The following ZNF844 variants were observed in gnomAD, a reference collection of about 807,000 sequenced individuals.
ZNF844 encodes zinc finger protein 844.
ZNF844 carries 11 observed loss-of-function variants against 11.4 expected under a neutral mutation model. That is an observed-to-expected ratio of 0.97 (90% confidence interval 0.61 to 1.60). The LOEUF (loss-of-function observed/expected upper bound fraction) is 1.60. Ranked by LOEUF, ZNF844 falls within the 40% of genes most tolerant of loss-of-function variation. ZNF844 has a pLI of 0.00. For synonymous variants in ZNF844, 248 were observed against 260.3 expected (o/e 0.95, Z 0.46); for missense variants, 790 against 796.8 (o/e 0.99, Z 0.10).
At position 12,078,431 on chromosome 19, in the gene ZNF844, T is replaced by C. The variant is rs373791550; in HGVS notation, c.*1310T>C. 1.3e-5 allele frequency: 2 copies of C among 152,126 alleles called. No homozygotes were observed. The highest frequency in any genetic ancestry group is 4.1e-4 in the South Asian group (2 of 4,822). 9.4% of individuals were successfully genotyped at this position (152,126 alleles called of 1,614,324 possible). A position where few individuals can be genotyped will look rare whatever the true frequency, so the allele number is the denominator to read the frequency against. ...CATGAGCCACTGCACCCAGCTGTTA[T>C]TCTCTATTTAATTAATTGAGAAGCC... is the stretch of plus-strand genomic sequence containing the variant. On this transcript the variant is annotated 3_prime_UTR_variant, in exon 4 of 4. Coordinates refer to ENST00000439326, the MANE Select transcript of ZNF844 (RefSeq NM_001136501.3).
intron 1 of ZNF844, among the ~76,000 whole-genome samples, chr19:12,073,241 C>T (rs557338393): frequency 1.6e-3 from 248 of 152,058 alleles, no homozygotes; most frequent in African/African-American, 5.7e-3. Flanking sequence ...CTCACCGCAA[C>T]CTCCGCCTGC....
rs1016890588 is a variant in ZNF844 at position 12,076,445 on chromosome 19, C to A, written c.1325C>A (p.Thr442Lys). ...CCTTTCGATATCATGAAAGGACTCA[C>A]ACTGGAGAGAAACCGTATGAGTGTA... ...PLPFDIMKGL[T>K]LERNRMSVSN... is the part of the protein sequence containing the mutation. Residue 442 changes from threonine to lysine, a missense_variant, in exon 4 of 4, where the codon ACA becomes AAA. Physicochemically the swap from Thr to Lys is moderately conservative, Grantham distance 78 (BLOSUM62 -1). Around this residue, in one of 3 missense-constraint regions of ZNF844, gnomAD observed 657 missense variants for 636.2 expected, o/e 1.03. Transcript: ENST00000439326. 4 of 1,613,968 alleles carry A rather than the reference C, an allele frequency of 2.5e-6. No individual in the cohort carries two copies. The African/African-American group carries it at 5.3e-5, about 22-fold the overall frequency.
In ZNF844 at chr19:12,074,559, A is replaced by T. The variant is rs537943987; in HGVS notation, c.191+138A>T. On this transcript the variant is annotated intron_variant, in intron 3 of 3. Coordinates refer to ENST00000439326, the MANE Select transcript of ZNF844 (RefSeq NM_001136501.3). ...CTTAAAATATTCACTCTAAAAACCTACATTTAAATGTGATCTAGGCTGGGC... is the reference window on the plus strand; with the variant it reads ...CTTAAAATATTCACTCTAAAAACCTTCATTTAAATGTGATCTAGGCTGGGC... The T allele has an allele frequency of 6.9e-6, 5 of 726,106 alleles. No individual in the cohort carries two copies. The East Asian group carries it at 1.1e-4, about 16-fold the overall frequency. 45.0% of individuals were successfully genotyped at this position (726,106 alleles called of 1,614,324 possible).
Position 12,080,346 on chromosome 19 carries a change from C to CA in ZNF844, c.*3245dup, listed in dbSNP as rs61413798. 41,489 of 170,768 alleles carry CA rather than the reference C, an allele frequency of 0.24. 4,302 individuals are homozygous for CA. The highest frequency in any genetic ancestry group is 0.56 in the African/African-American group (12,830 of 22,906). 10.6% of individuals were successfully genotyped at this position (170,768 alleles called of 1,614,324 possible). ...GCGGCGACAGAGCAAGACTCCGTCT[C>CA]AAAAAAAAAAAAAAAAAAAAGAGAA... On this transcript the variant is annotated 3_prime_UTR_variant, in exon 4 of 4. Coordinates refer to ENST00000439326, the MANE Select transcript of ZNF844 (RefSeq NM_001136501.3).
At chr19:12,073,664 A>G (rs772933110) in intron 1 of ZNF844, among the ~76,000 whole-genome samples, 4 of 149,966 alleles carry the variant, frequency 2.7e-5, no homozygotes, top group Non-Finnish European at 5.9e-5. Context: ...AAGGATATAT[A>G]GCCTCAGGAC....
At chr19:12,073,720 A>G (rs766297468) in intron 1 of ZNF844, among the ~76,000 whole-genome samples, 1 of 152,196 alleles carries the variant, frequency 6.6e-6, no homozygotes, top group Non-Finnish European at 1.5e-5. Flanking sequence ...GGACTGTGTT[A>G]TGACAGGTGC....
In ZNF844 at chr19:12,077,106, G is replaced by A. The variant is rs755564645; in HGVS notation, c.1986G>A (p.Gly662=). The change falls in exon 4 of 4, where the codon GGG becomes GGA. Residue 662 remains glycine (G), a synonymous_variant. Transcript: ENST00000439326. ...VCLVPFVDIK[G]LTLE is the part of the protein sequence containing the mutation. ...TGGTTCCTTTCGTAGACATAAAAGG[G>A]CTCACACTGGAGTGAAACCGTATGA... The A allele has an allele frequency of 3.1e-6, 5 of 1,596,494 alleles. No homozygotes were observed. Among genetic ancestry groups the A allele is most frequent in the Non-Finnish European group, 4.3e-6 (5 of 1,171,044 alleles).
Position 12,078,840 on chromosome 19 carries a change from CCT to C in ZNF844, c.*1725_*1726del, listed in dbSNP as rs1052531688. ...CATGGTATTGCACATGACAGATAGGCCTCTCTCCCCGTTCATTTCTTTTTTTT... is the reference window on the plus strand; with the variant it reads ...CATGGTATTGCACATGACAGATAGGCCTCTCCCCGTTCATTTCTTTTTTTT... On this transcript the variant is annotated 3_prime_UTR_variant, in exon 4 of 4. Transcript: ENST00000439326. 1.3e-5 allele frequency: 2 copies of C among 152,136 alleles called. No homozygotes were observed. Among genetic ancestry groups the C allele is most frequent in the African/African-American group, 4.8e-5 (2 of 41,386 alleles). 9.4% of individuals were successfully genotyped at this position (152,136 alleles called of 1,614,324 possible). A position where few individuals can be genotyped will look rare whatever the true frequency, so the allele number is the denominator to read the frequency against.
Position 12,076,857 on chromosome 19 carries a change from C to T in ZNF844, c.1737C>T (p.Cys579=). The change falls in exon 4 of 4, where the codon TGC becomes TGT. Residue 579 remains cysteine (C), a synonymous_variant. Coordinates refer to ENST00000439326, the MANE Select transcript of ZNF844 (RefSeq NM_001136501.3). ...ISLPFKYMQQ[C]TEDRMPMNVK... Reference sequence around the variant, plus strand: ...TTCCTTTCAAATACATGCAACAATGCACAGAGGACAGAATGCCTATGAATG... The same window carrying T: ...TTCCTTTCAAATACATGCAACAATGTACAGAGGACAGAATGCCTATGAATG... The T allele has an allele frequency of 3.2e-6, 5 of 1,563,098 alleles. No homozygotes were observed. The highest frequency in any genetic ancestry group is 4.3e-6 in the Non-Finnish European group (5 of 1,153,472).
Position 12,077,094 on chromosome 19 carries a change from A to G in ZNF844, c.1974A>G (p.Val658=). The G allele has an allele frequency of 2.5e-6, 4 of 1,596,694 alleles. No individual in the cohort carries two copies. Among genetic ancestry groups the G allele is most frequent in the Admixed American group, 1.8e-5 (1 of 56,750 alleles). ...ATTCAGTTTGCCTGGTTCCTTTCGT[A>G]GACATAAAAGGGCTCACACTGGAGT... ...GKHSVCLVPF[V]DIKGLTLE The change falls in exon 4 of 4, where the codon GTA becomes GTG. Residue 658 remains valine, a synonymous_variant. Coordinates refer to ENST00000439326, the MANE Select transcript of ZNF844 (RefSeq NM_001136501.3).
chr19:12,074,483 G>A, intron 3 of ZNF844, 62 bp downstream of exon 3: 1 of 1,167,184 alleles, frequency 8.6e-7, no homozygotes, highest in Non-Finnish European at 1.2e-6. Context: ...GCGAGAATAT[G>A]TTAAGAAGAA....
rs765999955 is a variant in ZNF844, at chr19:12,075,471, C to T, written c.351C>T (p.Ser117=). ...VCGEVFVGHS[S]LNRHIRADTA... The stretch of plus-strand genomic sequence containing the variant: ...GAGAAGTCTTCGTGGGTCATTCTTC[C>T]CTTAATAGGCACATTAGAGCTGACA... Residue 117 remains serine, a synonymous_variant, in exon 4 of 4, where the codon TCC becomes TCT. Coordinates refer to ENST00000439326, the MANE Select transcript of ZNF844 (RefSeq NM_001136501.3). 1 of 1,612,748 alleles carries T rather than the reference C, an allele frequency of 6.2e-7. No individual in the cohort carries two copies. Among genetic ancestry groups the T allele is most frequent in the South Asian group, 1.1e-5 (1 of 90,736 alleles).
chr19:12,068,356 G>A (rs573598407), intron 1 of ZNF844, among the ~76,000 whole-genome samples: 9 of 152,020 alleles, frequency 5.9e-5, no homozygotes, highest in Non-Finnish European at 1.2e-4. Flanking sequence ...GGCTGGGTGC[G>A]GTGGCTCACG....
At chr19:12,066,070 G>A (rs1397495051) in intron 1 of ZNF844, among the ~76,000 whole-genome samples, 1 of 151,926 alleles carries the variant, frequency 6.6e-6, no homozygotes. Context: ...CGAGTAGCTG[G>A]GACTACAGGC....
chr19:12,080,346 C>CAA lies in ZNF844; in HGVS notation c.*3244_*3245dup, dbSNP rs61413798. 0.041 allele frequency: 6,920 copies of CAA among 170,632 alleles called. 12 individuals are homozygous for CAA. Among genetic ancestry groups the CAA allele is most frequent in the South Asian group, 0.065 (1,539 of 23,542 alleles). The allele number at this position is 170,632 out of a possible 1,614,324, so 10.6% of individuals were successfully genotyped here. On this transcript the variant is annotated 3_prime_UTR_variant, in exon 4 of 4. Coordinates refer to ENST00000439326, the MANE Select transcript of ZNF844 (RefSeq NM_001136501.3). ...GCGGCGACAGAGCAAGACTCCGTCT[C>CAA]AAAAAAAAAAAAAAAAAAAAGAGAA...
Position 12,076,571 on chromosome 19 carries a change from C to G in ZNF844, c.1451C>G (p.Pro484Arg), listed in dbSNP as rs1310171755. Residue 484 changes from proline to arginine, a missense_variant, in exon 4 of 4, where the codon CCT becomes CGT. Transcript: ENST00000439326. ...ATGAATGTAAGCAGTGTGGTAAAGC[C>G]TTCATTTTTTCCACTTCCTTTCGAT... ...NPMNVSSVVK[P>R]SFFPLPFDIM... 1 of 1,611,490 alleles carries G rather than the reference C, an allele frequency of 6.2e-7. No individual in the cohort carries two copies. Among genetic ancestry groups the G allele is most frequent in the Non-Finnish European group, 8.5e-7 (1 of 1,179,062 alleles).
intron 1 of ZNF844, among the ~76,000 whole-genome samples, chr19:12,073,054 T>C (rs1379354525): frequency 2.0e-5 from 3 of 152,200 alleles, no homozygotes; most frequent in Non-Finnish European, 4.4e-5. Flanking sequence ...TTGATAAATA[T>C]TTGCCTTTTT....
Position 12,079,379 on chromosome 19 carries a change from G to A in ZNF844, c.*2258G>A, listed in dbSNP as rs1254937370. On this transcript the variant is annotated 3_prime_UTR_variant, in exon 4 of 4. Transcript: ENST00000439326. Reference sequence around the variant, plus strand: ...GAAATCCTATTATAAGAAATTGATTGCTGTGCACGGTAGCTTACCTGTAAT... The same window carrying A: ...GAAATCCTATTATAAGAAATTGATTACTGTGCACGGTAGCTTACCTGTAAT... 1 of 152,114 alleles carries A rather than the reference G, an allele frequency of 6.6e-6. No individual in the cohort carries two copies. Among genetic ancestry groups the A allele is most frequent in the Non-Finnish European group, 1.5e-5 (1 of 68,022 alleles). 9.4% of individuals were successfully genotyped at this position (152,114 alleles called of 1,614,324 possible).
In ZNF844 at chr19:12,074,158, G is replaced by A; in HGVS notation, c.130+1G>A. On this transcript the variant is annotated splice_donor_variant, in intron 2 of 3. Coordinates refer to ENST00000439326, the MANE Select transcript of ZNF844 (RefSeq NM_001136501.3). LOFTEE classifies it high-confidence loss of function. The stretch of plus-strand genomic sequence containing the variant: ...ACCTTGAGGAATCTGGCCTCCATAG[G>A]TAAGAATGACAGTATTACGTCCCCC... 1.9e-6 allele frequency: 3 copies of A among 1,613,584 alleles called. No individual in the cohort carries two copies. The highest frequency in any genetic ancestry group is 1.7e-6 in the Non-Finnish European group (2 of 1,179,754).
Sources: allele counts gnomAD v4.1 joint callset (sites outside exome capture counted in the v4.1 genomes callset), GRCh38; gene constraint gnomAD v4.1.1; regional missense constraint gnomAD v4.1.1; transcripts MANE v1.5; gene names NCBI Gene and HGNC (gene_info 2026-07-23, HGNC 2026-07-21).